Variants in ASB2 observed in about 807,000 individuals in gnomAD.
ASB2 encodes the protein ankyrin repeat and SOCS box containing 2.
Under a neutral mutation model 62.4 loss-of-function variants are expected in ASB2, and 58 were observed. The ratio of observed to expected loss-of-function variants is 0.93; its 90% CI spans 0.75 to 1.16. The LOEUF (loss-of-function observed/expected upper bound fraction) is 1.16, where lower values mean the gene tolerates loss of function less well. Among genes scored for constraint, ASB2 ranks in the 50% most tolerant of loss-of-function variants. ASB2 has a pLI of 0.00. For missense variants in ASB2, 928 were observed against 887.9 expected (o/e 1.05, Z -0.57); for synonymous variants, 386 against 385.3 (o/e 1.00, Z -0.02).
Position 93,951,953 on chromosome 14 carries a change from C to A in ASB2, c.635-709G>T, listed in dbSNP as rs186683896. Among the ~76,000 whole-genome samples the A allele has an allele frequency of 1.5e-3, 222 of 152,338 alleles. 1 individual carries two copies. The highest frequency in any genetic ancestry group is 5.1e-3 in the African/African-American group (211 of 41,578). On this transcript the variant is annotated intron_variant, in intron 5 of 9. Coordinates refer to ENST00000555019, the MANE Select transcript of ASB2 (RefSeq NM_001202429.2). ...CCAAACGTGCCCTTGGCTCTGGCCC[C>A]AGAGTTCTCACCAGGAGCTGCAGGT... is the stretch of plus-strand genomic sequence containing the variant.
chr14:93,963,846 G>A (rs931274989), intron 2 of ASB2, among the ~76,000 whole-genome samples: 3 of 152,096 alleles, frequency 2.0e-5, no homozygotes, highest in South Asian at 2.1e-4. Flanking sequence ...TCTGGATGGC[G>A]CTGCTTTAGA....
intron 2 of ASB2, among the ~76,000 whole-genome samples, chr14:93,963,953 G>T (rs973362564): frequency 6.6e-6 from 1 of 152,170 alleles, no homozygotes; most frequent in African/African-American, 2.4e-5. Context: ...TTGCTCACCA[G>T]ATATGTTTTT....
At chr14:93,936,824 C>G (rs1888287436) in intron 9 of ASB2, among the ~76,000 whole-genome samples, 1 of 152,212 alleles carries the variant, frequency 6.6e-6, no homozygotes. Flanking sequence ...CAGGGCAGGA[C>G]TGTGCCCTCA....
At chr14:93,955,341 G>A (rs1595319857) in intron 3 of ASB2, 1 of 357,798 alleles carries the variant, frequency 2.8e-6, no homozygotes, top group East Asian at 7.3e-5. Context: ...ACTTCCTCCT[G>A]ACTCTCAGAC....
Position 93,953,638 on chromosome 14 carries a change from G to GC in ASB2, c.479-132dup, listed in dbSNP as rs1208769781. The GC allele has an allele frequency of 2.3e-5, 18 of 782,116 alleles. No individual in the cohort carries two copies. The African/African-American group carries it at 3.2e-4, about 14-fold the overall frequency. 48.4% of individuals were successfully genotyped at this position (782,116 alleles called of 1,614,324 possible). On this transcript the variant is annotated intron_variant, in intron 4 of 9. Transcript: ENST00000555019. ...CTCTGAAATTTACCAACTACAGACTGCATTCATCTGGCCCTTTCACAGGGC... is the reference window on the plus strand; with the variant it reads ...CTCTGAAATTTACCAACTACAGACTGCCATTCATCTGGCCCTTTCACAGGGC...
intron 1 of ASB2, among the ~76,000 whole-genome samples, chr14:93,971,367 C>T (rs1371192348): frequency 6.6e-6 from 1 of 152,212 alleles, no homozygotes; most frequent in African/African-American, 2.4e-5. Context: ...CAGGAACCCT[C>T]CTGTCCCCCT....
In ASB2 at chr14:93,942,383, G is replaced by A. The variant is rs138684168; in HGVS notation, c.1053-2711C>T. 1.3e-3 allele frequency: 565 copies of A among 433,898 alleles called. 4 individuals are homozygous for A. Among genetic ancestry groups the A allele is most frequent in the African/African-American group, 9.4e-3 (470 of 49,800 alleles). 26.9% of individuals were successfully genotyped at this position (433,898 alleles called of 1,614,324 possible). On this transcript the variant is annotated intron_variant, in intron 7 of 9. Transcript: ENST00000555019. ...CCTTTCCTGTCTGGGCCCTGAGACC[G>A]GAGCAGATCCAGCTCAGGGTCATTC... is the stretch of plus-strand genomic sequence containing the variant.
At chr14:93,949,288 C>G (rs539577984) in intron 6 of ASB2, among the ~76,000 whole-genome samples, 1 of 152,186 alleles carries the variant, frequency 6.6e-6, no homozygotes, top group Non-Finnish European at 1.5e-5. Context: ...TCTGATCCAG[C>G]GGAAACAGCA....
chr14:93,948,244 C>T (rs971154075), intron 6 of ASB2: 2 of 154,306 alleles, frequency 1.3e-5, no homozygotes, highest in Non-Finnish European at 2.9e-5. Context: ...TGCCTCAGAC[C>T]ACCCATTTCA....
At chr14:93,939,701 A>C in intron 7 of ASB2, 29 bp from the exon 8 acceptor site, 2 of 1,032,196 alleles carry the variant, frequency 1.9e-6, no homozygotes, top group Non-Finnish European at 2.6e-6. Flanking sequence ...GGCGCGGGTG[A>C]GGGGAGGGTC....
Position 93,951,222 on chromosome 14 carries a change from C to T in ASB2, c.657G>A (p.Glu219=), listed in dbSNP as rs752306807. 4 of 1,605,758 alleles carry T rather than the reference C, an allele frequency of 2.5e-6. No individual in the cohort carries two copies. Among genetic ancestry groups the T allele is most frequent in the Non-Finnish European group, 3.4e-6 (4 of 1,176,418 alleles). ...LYKACERKNA[E]AVKILVQHNA... The stretch of plus-strand genomic sequence containing the variant: ...TGTGCTGCACCAGAATCTTCACGGC[C>T]TCCGCGTTCTTGCGCTCGCAGGCTG... Residue 219 remains glutamate (E), a synonymous_variant, in exon 6 of 10, where the codon GAG becomes GAA. Coordinates refer to ENST00000555019, the MANE Select transcript of ASB2 (RefSeq NM_001202429.2).
At position 93,953,496 on chromosome 14, in the gene ASB2, TC is replaced by T. The variant is rs1255445496; in HGVS notation, c.489del (p.Thr164ProfsTer58). The T allele has an allele frequency of 6.3e-7, 1 of 1,589,608 alleles. No homozygotes were observed. The highest frequency in any genetic ancestry group is 1.1e-5 in the South Asian group (1 of 89,636). ...TCCTGCAGGGTGCGCTGGTCGATGG[TC>T]CCTGGGTACGCTAGGGAGGGCCCAC... The part of the protein sequence containing the change: ...CLKVLQRAYP[G>X]TIDQRTLQEE... On this transcript the variant is annotated frameshift_variant, in exon 5 of 10. Coordinates refer to ENST00000555019, the MANE Select transcript of ASB2 (RefSeq NM_001202429.2). LOFTEE classifies it high-confidence loss of function.
At chr14:93,937,612 T>G in intron 9 of ASB2, 86 bp downstream of exon 9, 1 of 1,378,980 alleles carries the variant, frequency 7.3e-7, no homozygotes, top group Non-Finnish European at 9.9e-7. Flanking sequence ...GCTCACAGGG[T>G]TAGGAACAGT....
Position 93,939,135 on chromosome 14 carries a change from C to A in ASB2, c.1590G>T (p.Ala530=), listed in dbSNP as rs766564131. 28 of 1,544,188 alleles carry A rather than the reference C, an allele frequency of 1.8e-5. No homozygotes were observed. The highest frequency in any genetic ancestry group is 2.4e-5 in the Non-Finnish European group (27 of 1,141,614). The change falls in exon 8 of 10, where the codon GCG becomes GCT. Residue 530 remains alanine, a synonymous_variant. Coordinates refer to ENST00000555019, the MANE Select transcript of ASB2 (RefSeq NM_001202429.2). ...QPSSRFNDAP[A]ADKEPSVVQF... is the part of the protein sequence containing the mutation. ...GCACCACGCTGGGCTCCTTGTCGGCCGCGGGCGCGTCGTTGAACCTGCTGG... is the reference window on the plus strand; with the variant it reads ...GCACCACGCTGGGCTCCTTGTCGGCAGCGGGCGCGTCGTTGAACCTGCTGG...
At position 93,971,211 on chromosome 14, in the gene ASB2, C is replaced by T. The variant is rs978585788; in HGVS notation, c.-74+5223G>A. On this transcript the variant is annotated intron_variant, in intron 1 of 9. Transcript: ENST00000555019. ...ACTGCCGCTGTGACTGTCAGCTCCC[C>T]GGGCTGTGCGCAGAGCCTGCCGGGT... Among the ~76,000 whole-genome samples, 20 of 152,216 alleles carry T rather than the reference C, an allele frequency of 1.3e-4. 1 individual carries two copies. The highest frequency in any genetic ancestry group is 2.4e-5 in the African/African-American group (1 of 41,464).
Position 93,939,543 on chromosome 14 carries a change from G to T in ASB2, c.1182C>A (p.Asp394Glu). 6.2e-7 allele frequency: 1 copy of T among 1,601,080 alleles called. No homozygotes were observed. Among genetic ancestry groups the T allele is most frequent in the Non-Finnish European group, 8.5e-7 (1 of 1,175,234 alleles). ...VLEALLSARF[D>E]VNTPLAPERA... Reference sequence around the variant, plus strand: ...GCTCGGGGGCCAGCGGCGTGTTCACGTCGAAGCGCGCGCTCAGCAGCGCCT... The same window carrying T: ...GCTCGGGGGCCAGCGGCGTGTTCACTTCGAAGCGCGCGCTCAGCAGCGCCT... The change falls in exon 8 of 10, where the codon GAC becomes GAA. Residue 394 changes from aspartate to glutamate, a missense_variant. Physicochemically the swap from Asp to Glu is conservative, Grantham distance 45. Coordinates refer to ENST00000555019, the MANE Select transcript of ASB2 (RefSeq NM_001202429.2).
At chr14:93,944,708 C>G (rs1888656987) in intron 7 of ASB2, among the ~76,000 whole-genome samples, 2 of 152,176 alleles carry the variant, frequency 1.3e-5, no homozygotes, top group South Asian at 4.1e-4. Flanking sequence ...CCTTGGGGGA[C>G]AGAGGGAAAT....
intron 8 of ASB2, 130 bp downstream of exon 8, chr14:93,938,978 G>C (rs148043237): frequency 2.2e-5 from 18 of 815,448 alleles, no homozygotes; most frequent in Non-Finnish European, 3.0e-5. Context: ...CCCCCGAAGG[G>C]TGTTAATCAC....
intron 7 of ASB2, among the ~76,000 whole-genome samples, chr14:93,945,398 A>G (rs1888686248): frequency 6.6e-6 from 1 of 151,940 alleles, no homozygotes; most frequent in South Asian, 2.1e-4. Context: ...CATGGAATGC[A>G]CTCTCCCTAA....
Sources: gnomAD v4.1 joint callset for allele counts (sites outside exome capture counted in the v4.1 genomes callset) on GRCh38, gnomAD v4.1.1 for gene constraint, MANE v1.5 for transcripts, NCBI Gene and HGNC (gene_info 2026-07-23, HGNC 2026-07-21) for gene names.